ARHGEF11: variants seen among roughly 807,000 people sequenced by gnomAD.
ARHGEF11 encodes the protein Rho guanine nucleotide exchange factor 11, also known as Rho guanine exchange factor (GEF) 11.
In ARHGEF11, 55 loss-of-function variants were observed where a neutral mutation model predicts 193.7. The ratio of observed to expected loss-of-function variants is 0.28; its 90% CI spans 0.23 to 0.36. ARHGEF11 has a LOEUF of 0.36. ARHGEF11 is among the 10% of genes least tolerant of loss of function. The pLI is 1.00. For synonymous variants in ARHGEF11, 693 were observed against 768.0 expected (o/e 0.90, Z 1.62); for missense variants, 1,723 against 2,005.6 (o/e 0.86, Z 2.69).
At chr1:157,041,769 C>T (rs997466945) in intron 1 of ARHGEF11, among the ~76,000 whole-genome samples, 5 of 152,242 alleles carry the variant, frequency 3.3e-5, no homozygotes, top group South Asian at 4.1e-4. Context: ...CCAAACTGTC[C>T]CTGCTTGTGA....
intron 21 of ARHGEF11, among the ~76,000 whole-genome samples, chr1:156,954,546 G>A (rs1033085582): frequency 1.3e-5 from 2 of 152,186 alleles, no homozygotes; most frequent in Admixed American, 6.5e-5. Flanking sequence ...AAGGCCTCAG[G>A]CTATGGAAAA....
In ARHGEF11 at chr1:157,000,566, T is replaced by C. The variant is rs184199517; in HGVS notation, c.33-14393A>G. ...GCCCAGAAGATTCACCTTTCTAATT[T>C]ACTTTCTTAAGGTGGATTTTAAATT... is the stretch of plus-strand genomic sequence containing the variant. On this transcript the variant is annotated intron_variant, in intron 1 of 40. Transcript: ENST00000368194. Among the ~76,000 whole-genome samples, 11 of 152,358 alleles carry C rather than the reference T, an allele frequency of 7.2e-5. No homozygotes were observed. In the East Asian group the frequency reaches 2.1e-3, roughly 29 times the overall value.
At chr1:157,028,871 G>A (rs1242251981) in intron 1 of ARHGEF11, among the ~76,000 whole-genome samples, 1 of 152,088 alleles carries the variant, frequency 6.6e-6, no homozygotes, top group African/African-American at 2.4e-5. Context: ...TGTTGGTAAA[G>A]ATATGGAGAA....
chr1:157,046,085 C>A (rs1673298172), upstream of ARHGEF11, among the ~76,000 whole-genome samples: 1 of 151,140 alleles, frequency 6.6e-6, no homozygotes, highest in Admixed American at 6.6e-5. Context: ...TGCCGTCGCT[C>A]CTCGGCCGGT....
At chr1:156,990,752 A>G (rs985754613) in intron 1 of ARHGEF11, among the ~76,000 whole-genome samples, 7 of 152,204 alleles carry the variant, frequency 4.6e-5, no homozygotes, top group African/African-American at 1.7e-4. Flanking sequence ...TCTGAAAGCC[A>G]GCTCCTGTGT....
chr1:156,946,668 G>A lies in ARHGEF11; in HGVS notation c.2688C>T (p.Phe896=), dbSNP rs771941595. The stretch of plus-strand genomic sequence containing the variant: ...GGCATGGCCAAGGACGCACCTGCAT[G>A]AAGAGCTGGAATCGACTCTCCTTGC... ...KQRKESRFQL[F]MQEAESHPQC... is the part of the protein sequence containing the mutation. The change falls in exon 28 of 41, where the codon TTC becomes TTT. Residue 896 remains phenylalanine (F), a synonymous_variant. Transcript: ENST00000368194. 2.5e-6 allele frequency: 4 copies of A among 1,613,224 alleles called. No individual in the cohort carries two copies. Among genetic ancestry groups the A allele is most frequent in the Non-Finnish European group, 2.5e-6 (3 of 1,179,344 alleles).
At chr1:156,936,281 G>C (rs1299665898) in intron 40 of ARHGEF11, 5 of 725,368 alleles carry the variant, frequency 6.9e-6, no homozygotes, top group Non-Finnish European at 1.3e-5. Flanking sequence ...TTGTCTTCCT[G>C]AGTTATGACA....
At chr1:156,958,935 C>A (rs188985533) in intron 16 of ARHGEF11, 71 bp from the exon 17 acceptor site, 81 of 1,610,500 alleles carry the variant, frequency 5.0e-5, no homozygotes, top group Non-Finnish European at 6.8e-5. Flanking sequence ...CCAGAAAGAA[C>A]AAGACAAACA....
chr1:156,954,155 G>A (rs949710521), intron 21 of ARHGEF11, among the ~76,000 whole-genome samples: 10 of 152,006 alleles, frequency 6.6e-5, no homozygotes, highest in South Asian at 2.1e-4. Context: ...CAAGGCGGGC[G>A]GATCGCCCGA....
At chr1:156,989,257 GGTTCTTTA>G (rs1665380521) in intron 1 of ARHGEF11, among the ~76,000 whole-genome samples, 5 of 151,774 alleles carry the variant, frequency 3.3e-5, no homozygotes, top group African/African-American at 9.7e-5. Context: ...GAAACCTTTA[GGTTCTTTA>G]TAATCGTTTC....
intron 19 of ARHGEF11, 45 bp from the exon 20 acceptor site, chr1:156,955,844 C>T (rs1659868299): frequency 6.9e-7 from 1 of 1,454,864 alleles, no homozygotes; most frequent in African/African-American, 1.4e-5. Flanking sequence ...GTCCTGATAC[C>T]CAGGCGTGGC....
At chr1:157,029,322 T>A (rs560465824) in intron 1 of ARHGEF11, among the ~76,000 whole-genome samples, 7 of 151,898 alleles carry the variant, frequency 4.6e-5, no homozygotes, top group African/African-American at 1.4e-4. Flanking sequence ...CAGGCTAGAG[T>A]ACAATGGCGC....
Position 156,982,480 on chromosome 1 carries a change from A to C in ARHGEF11, c.223+1859T>G, listed in dbSNP as rs544838950. 2.6e-5 allele frequency among the ~76,000 whole-genome samples: 4 copies of C among 152,294 alleles called. No individual in the cohort carries two copies. In the South Asian group the frequency reaches 8.3e-4, roughly 32 times the overall value. On this transcript the variant is annotated intron_variant, in intron 3 of 40. Coordinates refer to ENST00000368194, the MANE Select transcript of ARHGEF11 (RefSeq NM_198236.3). ...TAACCGCTGCTTTGTTACTCTTGTG[A>C]CTTCAATGCCAATCCAAATGAAGTC...
intron 18 of ARHGEF11, among the ~76,000 whole-genome samples, chr1:156,957,432 C>T (rs1660117328): frequency 2.0e-5 from 3 of 152,186 alleles, no homozygotes; most frequent in Admixed American, 2.0e-4. Flanking sequence ...TCCACGATTA[C>T]TGTTACTACT....
At chr1:156,941,164 G>A (rs1398707265) in intron 35 of ARHGEF11, among the ~76,000 whole-genome samples, 1 of 152,102 alleles carries the variant, frequency 6.6e-6, no homozygotes, top group African/African-American at 2.4e-5. Context: ...CTGGTCAGGT[G>A]AGCGAGTTCA....
chr1:156,967,910 A>C, intron 11 of ARHGEF11, 77 bp downstream of exon 11: 2 of 1,603,896 alleles, frequency 1.2e-6, no homozygotes, highest in Non-Finnish European at 1.7e-6. Flanking sequence ...ATCCAAGACG[A>C]TGTACTGGTA....
In ARHGEF11 at chr1:156,947,310, T is replaced by C; in HGVS notation, c.2482A>G (p.Ile828Val). ...AGGGGCACAGGCTCCTTACTGTGAA[T>C]CTCTATGAGTTCAGGCAGGTTCGGG... ...LFPNLPELIE[I>V]HNSWCEAMKK... Residue 828 changes from isoleucine (I) to valine (V), a missense_variant, in exon 26 of 41, where the codon ATT (isoleucine) becomes GTT (valine). By Grantham distance (29) the Ile-to-Val change is conservative (BLOSUM62 3). This residue lies in a region of ARHGEF11 where 491 missense variants were observed against 654.5 expected (regional missense o/e 0.75). Transcript: ENST00000368194. 6.2e-7 allele frequency: 1 copy of C among 1,604,718 alleles called. No individual in the cohort carries two copies. Among genetic ancestry groups the C allele is most frequent in the Admixed American group, 1.7e-5 (1 of 57,886 alleles).
At chr1:156,976,938 A>AT in intron 7 of ARHGEF11, 45 bp downstream of exon 7, 1 of 1,537,742 alleles carries the variant, frequency 6.5e-7, no homozygotes, top group Non-Finnish European at 9.0e-7. Flanking sequence ...ATAAAGTATT[A>AT]TTTCACTCAG....
intron 28 of ARHGEF11, 33 bp downstream of exon 28, chr1:156,946,629 T>C (rs755604707): frequency 1.2e-6 from 2 of 1,613,346 alleles, no homozygotes; most frequent in Non-Finnish European, 1.7e-6. Flanking sequence ...TTGATGGAGA[T>C]GAAGGAAGGC....
Sources: gnomAD v4.1 joint callset for allele counts (sites outside exome capture counted in the v4.1 genomes callset) on GRCh38, gnomAD v4.1.1 for gene constraint, gnomAD v4.1.1 regional missense constraint, MANE v1.5 for transcripts, NCBI Gene and HGNC (gene_info 2026-07-23, HGNC 2026-07-21) for gene names.